Variants in ZNF793 observed in about 807,000 individuals in gnomAD.
ZNF793 encodes the protein zinc finger protein 793.
In ZNF793, 5 loss-of-function variants were observed where a neutral mutation model predicts 12.4. The ratio of observed to expected loss-of-function variants is 0.40; its 90% CI spans 0.21 to 0.84. ZNF793 has a LOEUF of 0.84. Ranked by LOEUF, ZNF793 falls within the 40% of genes least tolerant of loss-of-function variation. The pLI, the probability that ZNF793 is intolerant of heterozygous loss-of-function variation, is 0.35. For missense variants in ZNF793, 456 were observed against 495.0 expected, an observed-to-expected ratio of 0.92 and a Z score of 0.75; for synonymous variants, 162 against 172.4, an observed-to-expected ratio of 0.94 and a Z score of 0.47.
At chr19:37,513,667 A>C (rs1228514610) in intron 2 of ZNF793, among the ~76,000 whole-genome samples, 1 of 149,770 alleles carries the variant, frequency 6.7e-6, no homozygotes, top group Non-Finnish European at 1.5e-5. Context: ...TAAGAAGACA[A>C]AGAAAGAAAC....
chr19:37,531,093 A>G (rs555311624), intron 5 of ZNF793, among the ~76,000 whole-genome samples: 25 of 152,326 alleles, frequency 1.6e-4, no homozygotes, highest in Admixed American at 1.6e-3. Flanking sequence ...CATGCCTTCT[A>G]GAATATACTT....
chr19:37,537,089 A>G lies in ZNF793; in HGVS notation c.431A>G (p.Lys144Arg). Reference sequence around the variant, plus strand: ...CCTAGTAACTGGAACCCTTGTGGAAAGAATTTGAACCATAATTTAGACTTG... The same window carrying G: ...CCTAGTAACTGGAACCCTTGTGGAAGGAATTTGAACCATAATTTAGACTTG... The part of the protein sequence containing the change: ...QSPSNWNPCG[K>R]NLNHNLDLIG... Residue 144 changes from lysine to arginine, a missense_variant, in exon 8 of 8, where the codon AAG becomes AGG. Transcript: ENST00000627814. 1 of 1,613,714 alleles carries G rather than the reference A, an allele frequency of 6.2e-7. No homozygotes were observed. The highest frequency in any genetic ancestry group is 8.5e-7 in the Non-Finnish European group (1 of 1,179,714).
At chr19:37,511,528 G>A (rs1458672841) in intron 2 of ZNF793, among the ~76,000 whole-genome samples, 1 of 152,102 alleles carries the variant, frequency 6.6e-6, no homozygotes, top group Non-Finnish European at 1.5e-5. Flanking sequence ...AAAATCAGAT[G>A]GGCATGGTGA....
chr19:37,519,183 G>C (rs938881750), intron 2 of ZNF793, among the ~76,000 whole-genome samples: 3 of 152,096 alleles, frequency 2.0e-5, no homozygotes, highest in African/African-American at 7.2e-5. Context: ...GGAGAATGGC[G>C]TGAACCCAGG....
At chr19:37,518,615 G>A (rs2042351446) in intron 2 of ZNF793, among the ~76,000 whole-genome samples, 1 of 127,950 alleles carries the variant, frequency 7.8e-6, no homozygotes, top group South Asian at 2.5e-4. Flanking sequence ...AAAACATGGT[G>A]AAACCCTGTC....
chr19:37,532,832 A>T (rs957049713), intron 6 of ZNF793, among the ~76,000 whole-genome samples: 7 of 151,474 alleles, frequency 4.6e-5, no homozygotes, highest in African/African-American at 1.5e-4. Context: ...AATAAAAAAT[A>T]AAAAAAAAGC....
In ZNF793 at chr19:37,540,157, T is replaced by A. The variant is rs2042542147; in HGVS notation, c.*2278T>A. 1 of 149,918 alleles carries A rather than the reference T, an allele frequency of 6.7e-6. No individual in the cohort carries two copies. Among genetic ancestry groups the A allele is most frequent in the East Asian group, 2.0e-4 (1 of 5,044 alleles). 9.3% of individuals were successfully genotyped at this position (149,918 alleles called of 1,614,324 possible). A position where few individuals can be genotyped will look rare whatever the true frequency, so the allele number is the denominator to read the frequency against. On this transcript the variant is annotated 3_prime_UTR_variant, in exon 8 of 8. Transcript: ENST00000627814. Reference sequence around the variant, plus strand: ...GGCACACACCTGTAGTCCCAGCTACTTGGGAGGTTGAGGCATGAGGCAGGA... The same window carrying A: ...GGCACACACCTGTAGTCCCAGCTACATGGGAGGTTGAGGCATGAGGCAGGA...
Position 37,537,858 on chromosome 19 carries a change from A to C in ZNF793, c.1200A>C (p.Leu400Phe), listed in dbSNP as rs187184189. 21 of 1,594,318 alleles carry C rather than the reference A, an allele frequency of 1.3e-5. No homozygotes were observed. The East Asian group carries it at 4.7e-4, about 36-fold the overall frequency. Residue 400 changes from leucine to phenylalanine, a missense_variant, in exon 8 of 8, where the codon TTA (leucine) becomes TTC (phenylalanine). Leu to Phe is a conservative substitution (Grantham distance 22). Transcript: ENST00000627814. ...ARKNAYRNEN[L>F]IIVGNT ...AGAATGCCTACAGGAATGAAAACTT[A>C]ATAATTGTGGGAAATACTTGAGCAA...
Position 37,537,802 on chromosome 19 carries a change from C to A in ZNF793, c.1144C>A (p.Leu382Ile), listed in dbSNP as rs757873046. ...GAAAGCTTTCTACCAGAAGCCAAAC[C>A]TCAGCAGACATCAGAAAATTCATGC... ...CGKAFYQKPNLSRHQKIHARK... is the reference protein window; with the variant it reads ...CGKAFYQKPNISRHQKIHARK... Residue 382 changes from leucine (L) to isoleucine (I), a missense_variant, in exon 8 of 8, where the codon CTC becomes ATC. Leu to Ile is a conservative substitution (Grantham distance 5). Coordinates refer to ENST00000627814, the MANE Select transcript of ZNF793 (RefSeq NM_001013659.3). 67 of 1,613,722 alleles carry A rather than the reference C, an allele frequency of 4.2e-5. No homozygotes were observed. The highest frequency in any genetic ancestry group is 4.1e-5 in the Non-Finnish European group (48 of 1,179,818).
rs371618070 is a variant in ZNF793, at chr19:37,521,497, G to A, written c.-146-1035G>A. On this transcript the variant is annotated intron_variant, in intron 3 of 7. Transcript: ENST00000627814. ...GTTGCCCAGGCTGGAGTGCAATGGCGCGATCTCTGCTCACTGCAGCCTCCA... is the reference window on the plus strand; with the variant it reads ...GTTGCCCAGGCTGGAGTGCAATGGCACGATCTCTGCTCACTGCAGCCTCCA... Among the ~76,000 whole-genome samples, 55 of 145,442 alleles carry A rather than the reference G, an allele frequency of 3.8e-4. No individual in the cohort carries two copies. In the East Asian group the frequency reaches 8.5e-3, roughly 22 times the overall value.
rs1464539153 is a variant in ZNF793, at chr19:37,541,676, C to G, written c.*3797C>G. On this transcript the variant is annotated 3_prime_UTR_variant, in exon 8 of 8. Transcript: ENST00000627814. ...CCTGGGCAACAGAGCAAGACTCCAT[C>G]TCAGAAAAAAAGAAAAAGAAAAAAA... The G allele has an allele frequency of 6.6e-6, 1 of 151,240 alleles. No individual in the cohort carries two copies. Among genetic ancestry groups the G allele is most frequent in the Non-Finnish European group, 1.5e-5 (1 of 67,916 alleles). 9.4% of individuals were successfully genotyped at this position (151,240 alleles called of 1,614,324 possible). A position where few individuals can be genotyped will look rare whatever the true frequency, so the allele number is the denominator to read the frequency against.
chr19:37,523,003 G>A lies in ZNF793; in HGVS notation c.-31+356G>A, dbSNP rs144497812. On this transcript the variant is annotated intron_variant, in intron 4 of 7. Coordinates refer to ENST00000627814, the MANE Select transcript of ZNF793 (RefSeq NM_001013659.3). ...ATTTGAAACAAATAAGAGATAAAGG[G>A]TATTTATTTGTTTGTTTATTTATTT... Among the ~76,000 whole-genome samples the A allele has an allele frequency of 6.3e-3, 958 of 152,162 alleles. 27 individuals carry two copies. The highest frequency in any genetic ancestry group is 0.051 in the East Asian group (265 of 5,178).
At chr19:37,532,265 A>T in intron 5 of ZNF793, 91 bp from the exon 6 acceptor site, 3 of 1,474,834 alleles carry the variant, frequency 2.0e-6, no homozygotes. Context: ...TGGCCTCCCA[A>T]AGTGCTGGGA....
Position 37,533,385 on chromosome 19 carries a change from C to T in ZNF793, c.220C>T (p.Pro74Ser). 6.2e-7 allele frequency: 1 copy of T among 1,613,700 alleles called. No homozygotes were observed. The highest frequency in any genetic ancestry group is 8.5e-7 in the Non-Finnish European group (1 of 1,179,698). The change falls in exon 7 of 8, where the codon CCG becomes TCG. Residue 74 changes from proline (P) to serine (S), a missense_variant. Physicochemically the swap from Pro to Ser is moderately conservative, Grantham distance 74 (BLOSUM62 -1). Coordinates refer to ENST00000627814, the MANE Select transcript of ZNF793 (RefSeq NM_001013659.3). The stretch of plus-strand genomic sequence containing the variant: ...ACCATGGATTGGTGAGGCAGCATGC[C>T]CGGGCTGCCACTGTTGGGGTAAGTG... ...EAPWIGEAAC[P>S]GCHCWEDIWR... is the part of the protein sequence containing the mutation.
rs1291170336 is a variant in ZNF793, at chr19:37,537,735, A to T, written c.1077A>T (p.Arg359Ser). The change falls in exon 8 of 8, where the codon AGA (arginine) becomes AGT (serine). Residue 359 changes from arginine to serine, a missense_variant. Transcript: ENST00000627814. ...SQKSCLNKHWRTHTGEKPYGC... is the reference protein window; with the variant it reads ...SQKSCLNKHWSTHTGEKPYGC... ...AGTCATGCCTCAATAAACATTGGAG[A>T]ACTCACACAGGAGAGAAGCCCTATG... The T allele has an allele frequency of 1.9e-6, 3 of 1,613,992 alleles. No homozygotes were observed. The Admixed American group carries it at 5.0e-5, about 27-fold the overall frequency.
intron 2 of ZNF793, among the ~76,000 whole-genome samples, chr19:37,512,633 G>C (rs1376505575): frequency 6.6e-6 from 1 of 152,096 alleles, no homozygotes; most frequent in Non-Finnish European, 1.5e-5. Flanking sequence ...CTGTCTCTCT[G>C]TCTGTAAGTT....
intron 2 of ZNF793, among the ~76,000 whole-genome samples, chr19:37,509,955 G>C (rs75355140): frequency 0.037 from 5,560 of 152,176 alleles, 299 homozygotes; most frequent in African/African-American, 0.12. Flanking sequence ...TATTCATTGG[G>C]GGGGAGGAGC....
At chr19:37,511,778 C>A (rs2042296250) in intron 2 of ZNF793, among the ~76,000 whole-genome samples, 1 of 152,160 alleles carries the variant, frequency 6.6e-6, no homozygotes, top group South Asian at 2.1e-4. Flanking sequence ...GTGAACTAGA[C>A]CCTGAGGTTT....
chr19:37,533,378 A>T lies in ZNF793; in HGVS notation c.213A>T (p.Ala71=). The change falls in exon 7 of 8, where the codon GCA becomes GCT. Residue 71 remains alanine, a synonymous_variant. Transcript: ENST00000627814. ...EQEEAPWIGE[A]ACPGCHCWED... is the part of the protein sequence containing the mutation. ...AAGAAGCACCATGGATTGGTGAGGC[A>T]GCATGCCCGGGCTGCCACTGTTGGG... The T allele has an allele frequency of 6.2e-7, 1 of 1,613,996 alleles. No homozygotes were observed. Among genetic ancestry groups the T allele is most frequent in the Non-Finnish European group, 8.5e-7 (1 of 1,179,852 alleles).
Sources: allele counts gnomAD v4.1 joint callset (sites outside exome capture counted in the v4.1 genomes callset), GRCh38; gene constraint gnomAD v4.1.1; transcripts MANE v1.5; gene names NCBI Gene and HGNC (gene_info 2026-07-23, HGNC 2026-07-21).